The following DOP1A variants were observed in gnomAD, a reference collection of about 807,000 sequenced individuals.
The protein encoded by DOP1A is DOP1 leucine zipper like protein A, also known as protein DOP1A.
A neutral mutation model predicts 267.6 loss-of-function variants in DOP1A; 90 were observed. The observed-to-expected ratio is 0.34, with a 90% CI of 0.28 to 0.40. DOP1A has a LOEUF of 0.40. Ranked by LOEUF, DOP1A falls within the 10% of genes least tolerant of loss-of-function variation. DOP1A has a pLI of 1.00. For missense variants in DOP1A, 2,437 were observed against 2,900.4 expected (o/e 0.84, Z 3.67); for synonymous variants, 932 against 999.1 (o/e 0.93, Z 1.27).
rs148719618 is a variant in DOP1A, at chr6:83,132,209, G to C, written c.2650G>C (p.Asp884His). 1 of 1,612,254 alleles carries C rather than the reference G, an allele frequency of 6.2e-7. No individual in the cohort carries two copies. The highest frequency in any genetic ancestry group is 1.3e-5 in the African/African-American group (1 of 74,880). The change falls in exon 18 of 39, where the codon GAT (aspartate) becomes CAT (histidine). Residue 884 changes from aspartate (D) to histidine (H), a missense_variant. Around this residue, in one of 9 missense-constraint regions of DOP1A, gnomAD observed 878 missense variants for 992.9 expected, o/e 0.88. Transcript: ENST00000349129. ...VALTLWDQLG[D>H]GTPQHHQKSV... ...TTTAACATTGTGGGACCAGTTGGGA[G>C]ATGGGACACCTCAGCATCACCAGAA... is the stretch of plus-strand genomic sequence containing the variant.
chr6:83,131,654 T>C (rs923434579), intron 17 of DOP1A, among the ~76,000 whole-genome samples: 1 of 152,020 alleles, frequency 6.6e-6, no homozygotes, highest in African/African-American at 2.4e-5. Flanking sequence ...AACATTTACA[T>C]GTCTGATTTT....
At chr6:83,158,204 T>C (rs2128391355) in intron 35 of DOP1A, among the ~76,000 whole-genome samples, 1 of 152,266 alleles carries the variant, frequency 6.6e-6, no homozygotes, top group Middle Eastern at 3.4e-3. Context: ...GGTTTCAGCA[T>C]GTTAGCCAGG....
In DOP1A at chr6:83,151,948, A is replaced by G. The variant is rs200497578; in HGVS notation, c.5970A>G (p.Thr1990=). 16 of 1,613,846 alleles carry G rather than the reference A, an allele frequency of 9.9e-6. No homozygotes were observed. Among genetic ancestry groups the G allele is most frequent in the Non-Finnish European group, 1.4e-5 (16 of 1,179,884 alleles). ...CTGGTTCTTCTCTGGAACAGACAAC[A>G]TGGCTGCGACGAAATCTTGAAGTTA... The part of the protein sequence containing the change: ...AIAGSSLEQT[T]WLRRNLEVKP... The change falls in exon 29 of 39, where the codon ACA becomes ACG. Residue 1990 remains threonine, a synonymous_variant. Coordinates refer to ENST00000349129, the MANE Select transcript of DOP1A (RefSeq NM_015018.4).
At chr6:83,164,903 ATT>A (rs563721013) in intron 38 of DOP1A, 20 of 571,548 alleles carry the variant, frequency 3.5e-5, no homozygotes, top group African/African-American at 3.0e-4. Flanking sequence ...TTTATTTAAT[ATT>A]GAGACAATAC....
intron 7 of DOP1A, among the ~76,000 whole-genome samples, chr6:83,115,714 A>T (rs1775315457): frequency 6.6e-6 from 1 of 151,992 alleles, no homozygotes; most frequent in Non-Finnish European, 1.5e-5. Context: ...ACAGAGCAAG[A>T]CTCTGTCTCA....
chr6:83,142,039 G>C lies in DOP1A; in HGVS notation c.5534G>C (p.Arg1845Thr). The change falls in exon 24 of 39, where the codon AGG becomes ACG. Residue 1845 changes from arginine (R) to threonine (T), a missense_variant. By Grantham distance (71) the Arg-to-Thr change is moderately conservative (BLOSUM62 -1). This residue lies in a region of DOP1A where 307 missense variants were observed against 308.6 expected (regional missense o/e 0.99). Transcript: ENST00000349129. Reference sequence around the variant, plus strand: ...AGAAGACAGAATAAAACAACCACCAGGACCAAGGTATGTATTTAGACATTT... The same window carrying C: ...AGAAGACAGAATAAAACAACCACCACGACCAAGGTATGTATTTAGACATTT... ...NERRQNKTTT[R>T]TKVIPAASEE... 6.2e-7 allele frequency: 1 copy of C among 1,610,882 alleles called. No individual in the cohort carries two copies. The highest frequency in any genetic ancestry group is 8.5e-7 in the Non-Finnish European group (1 of 1,179,150).
chr6:83,149,600 T>G (rs1207709354), intron 27 of DOP1A, among the ~76,000 whole-genome samples: 1 of 152,018 alleles, frequency 6.6e-6, no homozygotes, highest in Admixed American at 6.6e-5. Context: ...TTAAAGAATG[T>G]GGTCTTGAAA....
intron 12 of DOP1A, among the ~76,000 whole-genome samples, chr6:83,123,920 A>G (rs1345164806): frequency 6.6e-6 from 1 of 152,070 alleles, no homozygotes; most frequent in Non-Finnish European, 1.5e-5. Flanking sequence ...TCTGAAAGTT[A>G]GCAGCATTTT....
At chr6:83,157,130 T>C in intron 34 of DOP1A, 52 bp from the exon 35 acceptor site, 2 of 1,580,382 alleles carry the variant, frequency 1.3e-6, no homozygotes, top group Non-Finnish European at 1.7e-6. Flanking sequence ...TATAGAAAGT[T>C]TTATGTGATA....
intron 30 of DOP1A, among the ~76,000 whole-genome samples, chr6:83,153,057 T>C (rs550681800): frequency 6.6e-6 from 1 of 152,348 alleles, no homozygotes; most frequent in South Asian, 2.1e-4. Context: ...TTTGCAGATG[T>C]GGATAGTGAC....
intron 10 of DOP1A, among the ~76,000 whole-genome samples, chr6:83,121,282 T>G (rs575211252): frequency 6.6e-6 from 1 of 151,824 alleles, no homozygotes; most frequent in African/African-American, 2.4e-5. Context: ...TCATAAAGTA[T>G]GTAATTTCTT....
At chr6:83,092,661 T>C (rs1179468323) in intron 1 of DOP1A, among the ~76,000 whole-genome samples, 1 of 149,622 alleles carries the variant, frequency 6.7e-6, no homozygotes, top group Non-Finnish European at 1.5e-5. Context: ...TTTTTTTCTA[T>C]ACATATATAC....
chr6:83,151,522 G>A (rs1781678781), intron 27 of DOP1A, 71 bp from the exon 28 acceptor site: 1 of 1,254,324 alleles, frequency 8.0e-7, no homozygotes, highest in Non-Finnish European at 1.1e-6. Flanking sequence ...AACTCATCGT[G>A]AGAAATTAGA....
At chr6:83,164,479 C>T (rs1440058122) in intron 38 of DOP1A, among the ~76,000 whole-genome samples, 1 of 151,932 alleles carries the variant, frequency 6.6e-6, no homozygotes. Flanking sequence ...TTATAAGACC[C>T]CCCTCCTTTA....
At chr6:83,166,766 T>C in intron 38 of DOP1A, 2 of 1,095,298 alleles carry the variant, frequency 1.8e-6, no homozygotes, top group Non-Finnish European at 2.2e-6. Context: ...GGATTTTGCA[T>C]CTGCTTGACC....
chr6:83,145,447 A>G (rs1328883749), intron 24 of DOP1A, 77 bp from the exon 25 acceptor site: 13 of 1,273,450 alleles, frequency 1.0e-5, no homozygotes, highest in East Asian at 2.7e-5. Context: ...AGAAGAGATC[A>G]TAAAATACTC....
At chr6:83,128,862 T>C in intron 15 of DOP1A, 25 bp from the exon 16 acceptor site, 1 of 1,512,766 alleles carries the variant, frequency 6.6e-7, no homozygotes, top group East Asian at 2.3e-5. Context: ...ACTCAGCCTT[T>C]TGTTTTCTTA....
chr6:83,129,612 T>C (rs1256499710), intron 16 of DOP1A, 104 bp downstream of exon 16: 2 of 1,128,166 alleles, frequency 1.8e-6, no homozygotes, highest in African/African-American at 3.2e-5. Context: ...CAGTTACTTT[T>C]TTTAATGTTT....
At chr6:83,071,118 G>A (rs1455982025) in intron 1 of DOP1A, among the ~76,000 whole-genome samples, 2 of 152,188 alleles carry the variant, frequency 1.3e-5, no homozygotes, top group Non-Finnish European at 2.9e-5. Flanking sequence ...TTAAAAGTGA[G>A]ATTGGCAAGA....
Sources: allele counts gnomAD v4.1 joint callset (sites outside exome capture counted in the v4.1 genomes callset), GRCh38; gene constraint gnomAD v4.1.1; regional missense constraint gnomAD v4.1.1; transcripts MANE v1.5; gene names NCBI Gene and HGNC (gene_info 2026-07-23, HGNC 2026-07-21).